TMEM128: variants seen among roughly 807,000 people sequenced by gnomAD.
TMEM128 encodes the protein transmembrane protein 128.
Under a neutral mutation model 19.7 loss-of-function variants are expected in TMEM128, and 16 were observed. The observed-to-expected ratio is 0.81, with a 90% CI of 0.55 to 1.23. TMEM128 has a LOEUF of 1.23. Among genes scored for constraint, TMEM128 ranks in the 50% most tolerant of loss-of-function variants. The pLI, the probability that TMEM128 is intolerant of heterozygous loss-of-function variation, is 0.00. For synonymous variants in TMEM128, 98 were observed against 75.8 expected (o/e 1.29, Z -1.52); for missense variants, 237 against 200.8 (o/e 1.18, Z -1.09).
At chr4:4,240,595 G>A (rs1234354468) in intron 2 of TMEM128, 116 bp from the exon 3 acceptor site, 93 of 1,167,396 alleles carry the variant, frequency 8.0e-5, no homozygotes, top group Non-Finnish European at 1.0e-4. Flanking sequence ...TGTTGCAGAG[G>A]GAGCCATACT....
chr4:4,239,095 A>C (rs930933565), intron 3 of TMEM128, among the ~76,000 whole-genome samples: 6 of 152,228 alleles, frequency 3.9e-5, no homozygotes, highest in Non-Finnish European at 7.3e-5. Flanking sequence ...AGCTGCACAC[A>C]ACATAGGAAA....
intron 2 of TMEM128, 145 bp from the exon 3 acceptor site, chr4:4,240,624 AG>A (rs1717915761): frequency 1.1e-6 from 1 of 879,456 alleles, no homozygotes; most frequent in African/African-American, 1.7e-5. Flanking sequence ...CCATGCTTTC[AG>A]AAAGTCTCAA....
intron 1 of TMEM128, chr4:4,247,625 T>C (rs548474285): frequency 3.5e-5 from 56 of 1,614,124 alleles, no homozygotes; most frequent in Middle Eastern, 1.6e-4. Context: ...AATGGCGGCA[T>C]ACCATAGTGT....
At chr4:4,239,879 GC>G (rs1049699586) in intron 3 of TMEM128, among the ~76,000 whole-genome samples, 1 of 152,206 alleles carries the variant, frequency 6.6e-6, no homozygotes, top group Non-Finnish European at 1.5e-5. Flanking sequence ...TGGAAGCAAA[GC>G]AAGTAGTTAC....
intron 2 of TMEM128, among the ~76,000 whole-genome samples, chr4:4,241,207 T>C (rs1026177145): frequency 2.0e-5 from 3 of 152,254 alleles, no homozygotes; most frequent in Admixed American, 1.3e-4. Flanking sequence ...TTCCTCCAAG[T>C]TAAGTGGACT....
intron 1 of TMEM128, among the ~76,000 whole-genome samples, chr4:4,246,907 C>A (rs1316457023): frequency 6.6e-6 from 1 of 152,022 alleles, no homozygotes; most frequent in African/African-American, 2.4e-5. Flanking sequence ...GCCACCACGC[C>A]GGGCTAATTT....
intron 1 of TMEM128, chr4:4,247,464 A>T: frequency 1.7e-6 from 2 of 1,211,172 alleles, no homozygotes; most frequent in Non-Finnish European, 1.1e-6. Context: ...CATATGAGAT[A>T]AAAAATATCC....
At position 4,239,135 on chromosome 4, in the gene TMEM128, A is replaced by G. The variant is rs1194778949; in HGVS notation, c.398+1186T>C. 2.0e-5 allele frequency among the ~76,000 whole-genome samples: 3 copies of G among 152,192 alleles called. No individual in the cohort carries two copies. In the South Asian group the frequency reaches 6.2e-4, roughly 32 times the overall value. ...GTTTTCTTTCTGGTTGAATCATAGG[A>G]TATATTTCCTTTGTGTTTTCATGTA... On this transcript the variant is annotated intron_variant, in intron 3 of 4. Coordinates refer to ENST00000382753, the MANE Select transcript of TMEM128 (RefSeq NM_001297551.2).
At chr4:4,236,559 C>A (rs557118363) in intron 4 of TMEM128, among the ~76,000 whole-genome samples, 43 of 152,258 alleles carry the variant, frequency 2.8e-4, no homozygotes, top group African/African-American at 9.4e-4. Context: ...TAGGATTCCT[C>A]CGGGCCCAAA....
intron 1 of TMEM128, chr4:4,247,862 G>A (rs978607198): frequency 4.2e-6 from 6 of 1,428,030 alleles, no homozygotes; most frequent in Non-Finnish European, 5.5e-6. Context: ...AAAACTGGTG[G>A]GTATTTTTAA....
chr4:4,243,685 A>T (rs974143327), intron 2 of TMEM128, among the ~76,000 whole-genome samples: 4 of 152,104 alleles, frequency 2.6e-5, no homozygotes, highest in Non-Finnish European at 4.4e-5. Context: ...TCTCTCTAAG[A>T]TGACACCTTG....
chr4:4,247,396 G>A (rs1718227906), intron 1 of TMEM128, among the ~76,000 whole-genome samples: 1 of 152,180 alleles, frequency 6.6e-6, no homozygotes, highest in Non-Finnish European at 1.5e-5. Flanking sequence ...TCATGCCTGG[G>A]CATGAGGTTA....
intron 2 of TMEM128, among the ~76,000 whole-genome samples, chr4:4,244,337 C>A (rs1418180984): frequency 3.3e-5 from 5 of 151,946 alleles, no homozygotes; most frequent in African/African-American, 1.2e-4. Context: ...ATTAGCCAGG[C>A]ATGGTGGTGT....
At chr4:4,241,528 AAGAG>A (rs1717956347) in intron 2 of TMEM128, among the ~76,000 whole-genome samples, 1 of 152,210 alleles carries the variant, frequency 6.6e-6, no homozygotes, top group Non-Finnish European at 1.5e-5. Flanking sequence ...ATCCATGTGG[AAGAG>A]AGAGGGAGAA....
intron 2 of TMEM128, 24 bp from the exon 3 acceptor site, chr4:4,240,503 G>A: frequency 6.2e-7 from 1 of 1,604,260 alleles, no homozygotes; most frequent in South Asian, 1.1e-5. Context: ...AACAGTAAGA[G>A]GTCTGACAGC....
intron 1 of TMEM128, chr4:4,247,732 G>C (rs1037826674): frequency 1.6e-5 from 26 of 1,583,172 alleles, no homozygotes; most frequent in Admixed American, 3.6e-5. Context: ...ACAGCTTTCT[G>C]CTGACGGGCA....
chr4:4,236,072 C>G lies in TMEM128; in HGVS notation c.*194G>C, dbSNP rs1717706352. The G allele has an allele frequency of 6.6e-6, 1 of 152,182 alleles. No homozygotes were observed. The highest frequency in any genetic ancestry group is 6.6e-5 in the Admixed American group (1 of 15,266). The allele number at this position is 152,182 out of a possible 1,614,324, so 9.4% of individuals were successfully genotyped here. A position where few individuals can be genotyped will look rare whatever the true frequency, so the allele number is the denominator to read the frequency against. ...TCATAGCTGCAAAAACACACTGTAG[C>G]TTTTCTGTTAGGGTCTGCCATGCTT... On this transcript the variant is annotated 3_prime_UTR_variant, in exon 5 of 5. Coordinates refer to ENST00000382753, the MANE Select transcript of TMEM128 (RefSeq NM_001297551.2).
rs1055669850 is a variant in TMEM128 at position 4,248,087 on chromosome 4, G to A, written c.97+19C>T. Reference sequence around the variant, plus strand: ...GCCTCGCCTCTGAGAACCTCGGGGCGGCTTGGTGCGCGCCTCACCCGGCCC... The same window carrying A: ...GCCTCGCCTCTGAGAACCTCGGGGCAGCTTGGTGCGCGCCTCACCCGGCCC... On this transcript the variant is annotated intron_variant, in intron 1 of 4. Transcript: ENST00000382753. 2 of 1,535,102 alleles carry A rather than the reference G, an allele frequency of 1.3e-6. No homozygotes were observed. The highest frequency in any genetic ancestry group is 2.8e-5 in the African/African-American group (2 of 72,426).
chr4:4,247,717 C>G, intron 1 of TMEM128: 7 of 1,594,266 alleles, frequency 4.4e-6, no homozygotes, highest in Non-Finnish European at 6.0e-6. Flanking sequence ...CCCAAATTTA[C>G]TTAAACAGCT....
Sources: gnomAD v4.1 joint callset for allele counts (sites outside exome capture counted in the v4.1 genomes callset) on GRCh38, gnomAD v4.1.1 for gene constraint, MANE v1.5 for transcripts, NCBI Gene and HGNC (gene_info 2026-07-23, HGNC 2026-07-21) for gene names.